Variants in OXNAD1 observed in about 807,000 individuals in gnomAD.
The protein encoded by OXNAD1 is oxidoreductase NAD-binding domain-containing protein 1.
A neutral mutation model predicts 32.9 loss-of-function variants in OXNAD1; 34 were observed. That is an observed-to-expected ratio of 1.03 (90% CI 0.79 to 1.38). The LOEUF is 1.38. OXNAD1 is among the 40% of genes most tolerant of loss of function. The pLI, the probability that OXNAD1 is intolerant of heterozygous loss-of-function variation, is 0.00. For missense variants in OXNAD1, 407 were observed against 379.4 expected (o/e 1.07, Z -0.60); for synonymous variants, 134 against 135.2 (o/e 0.99, Z 0.06).
downstream of OXNAD1, among the ~76,000 whole-genome samples, chr3:16,338,494 G>A (rs549450905): frequency 6.6e-6 from 1 of 152,354 alleles, no homozygotes; most frequent in African/African-American, 2.4e-5. The surrounding 1 kb of genome is among the most constrained non-coding windows in gnomAD (Gnocchi z 5.3). Context: ...TCTAGAAGCT[G>A]ACATCTTAAA....
chr3:16,350,739 T>C (rs534141036), downstream of OXNAD1, among the ~76,000 whole-genome samples: 1 of 152,288 alleles, frequency 6.6e-6, no homozygotes, highest in South Asian at 2.1e-4. Context: ...GGGCCTTTCA[T>C]GGGAGTGATT....
intron 9 of OXNAD1, among the ~76,000 whole-genome samples, chr3:16,326,251 G>T (rs1234417351): frequency 6.6e-6 from 1 of 152,250 alleles, no homozygotes; most frequent in African/African-American, 2.4e-5. Flanking sequence ...GCCGCACCAA[G>T]GCCTGAAAGG....
At position 16,314,861 on chromosome 3, in the gene OXNAD1, T is replaced by C. The variant is rs2068226067; in HGVS notation, c.*30+11269T>C. The C allele has an allele frequency of 6.6e-6, 1 of 152,232 alleles. No homozygotes were observed. Among genetic ancestry groups the C allele is most frequent in the East Asian group, 1.9e-4 (1 of 5,206 alleles). 9.4% of individuals were successfully genotyped at this position (152,232 alleles called of 1,614,324 possible). On this transcript the variant is annotated intron_variant, in intron 9 of 9. Transcript: ENST00000435829. This position sits in a 1 kb window ranked among gnomAD's most constrained non-coding sequence, Gnocchi z 4.4. ...TGTCCTGGCCTGTTGCTGACTAGCA[T>C]ATATTTTTAAAATCATGATCCTTTA...
chr3:16,272,229 T>C (rs1177482080), intron 4 of OXNAD1: 8 of 434,202 alleles, frequency 1.8e-5, no homozygotes, highest in Non-Finnish European at 3.2e-5. Flanking sequence ...AATGTACAGA[T>C]TTTTTCCACC....
chr3:16,296,640 G>C (rs567911648), intron 6 of OXNAD1, among the ~76,000 whole-genome samples: 1 of 152,264 alleles, frequency 6.6e-6, no homozygotes, highest in South Asian at 2.1e-4. Context: ...TAATGTTACA[G>C]AATGAAGAGT....
chr3:16,273,807 T>C (rs181813254), intron 4 of OXNAD1, among the ~76,000 whole-genome samples: 43 of 152,338 alleles, frequency 2.8e-4, no homozygotes, highest in African/African-American at 9.6e-4. Context: ...AGGAAACATA[T>C]CTATTTCTCA....
rs1237879769 is a variant in OXNAD1 at position 16,321,679 on chromosome 3, T to C, written c.*31-15433T>C. Among the ~76,000 whole-genome samples the C allele has an allele frequency of 6.6e-6, 1 of 152,150 alleles. No homozygotes were observed. Among genetic ancestry groups the C allele is most frequent in the East Asian group, 1.9e-4 (1 of 5,198 alleles). On this transcript the variant is annotated intron_variant, in intron 9 of 9. Transcript: ENST00000435829. This position sits in a 1 kb window ranked among gnomAD's most constrained non-coding sequence, Gnocchi z 4.8. ...ACACCAGTCACCTACAGTCTTGGAA[T>C]GAGGCAGGAAATAATTAGGTACATG...
downstream of OXNAD1, among the ~76,000 whole-genome samples, chr3:16,307,822 A>G (rs2067673062): frequency 6.6e-6 from 1 of 152,180 alleles, no homozygotes; most frequent in African/African-American, 2.4e-5. Flanking sequence ...CAGCTTTCCC[A>G]AATGTTTAAC....
At chr3:16,268,169 A>G (rs931552691) in intron 1 of OXNAD1, among the ~76,000 whole-genome samples, 9 of 152,276 alleles carry the variant, frequency 5.9e-5, no homozygotes, top group African/African-American at 2.2e-4. Context: ...TAAATTTTTT[A>G]TATTTTATTT....
Position 16,348,632 on chromosome 3 carries a change from G to C in OXNAD1, c.*31-544G>C, listed in dbSNP as rs2071892005. Among the ~76,000 whole-genome samples, 1 of 152,154 alleles carries C rather than the reference G, an allele frequency of 6.6e-6. No individual in the cohort carries two copies. Among genetic ancestry groups the C allele is most frequent in the African/African-American group, 2.4e-5 (1 of 41,430 alleles). On this transcript the variant is annotated intron_variant, in intron 9 of 9. Coordinates refer to the OXNAD1 transcript ENST00000606098. The surrounding 1 kb of genome is among the most constrained non-coding windows in gnomAD (Gnocchi z 6.3). ...TTCTTCCCGAGGCTCCTTGATGTGT[G>C]GGGCCTCAGCAAATGCCCCTTTGCA...
At position 16,298,683 on chromosome 3, in the gene OXNAD1, G is replaced by A. The variant is rs1010643069; in HGVS notation, c.433-2943G>A. Among the ~76,000 whole-genome samples, 6 of 152,172 alleles carry A rather than the reference G, an allele frequency of 3.9e-5. No individual in the cohort carries two copies. Among genetic ancestry groups the A allele is most frequent in the African/African-American group, 1.4e-4 (6 of 41,438 alleles). On this transcript the variant is annotated intron_variant, in intron 6 of 8. Coordinates refer to ENST00000285083, the MANE Select transcript of OXNAD1 (RefSeq NM_138381.5). The surrounding 1 kb of genome is among the most constrained non-coding windows in gnomAD (Gnocchi z 5.1). ...GCACCGTTGAGACATGGAATAAAGT[G>A]CCATAAACGTCTTCCTTTATTTTAT...
In OXNAD1 at chr3:16,294,981, T is replaced by A. The variant is rs1371462277; in HGVS notation, c.416T>A (p.Leu139His). ...AAATATACGAACCACCCTCCTGCCCTCTGGGTTCACAATACGGTAAGCACA... is the reference window on the plus strand; with the variant it reads ...AAATATACGAACCACCCTCCTGCCCACTGGGTTCACAATACGGTAAGCACA... ...AVKYTNHPPA[L>H]WVHNTCTLDC... The change falls in exon 6 of 9, where the codon CTC (leucine) becomes CAC (histidine). Residue 139 changes from leucine to histidine, a missense_variant. By Grantham distance (99) the Leu-to-His change is moderately conservative. Coordinates refer to ENST00000285083, the MANE Select transcript of OXNAD1 (RefSeq NM_138381.5). 1 of 1,611,652 alleles carries A rather than the reference T, an allele frequency of 6.2e-7. No homozygotes were observed. Among genetic ancestry groups the A allele is most frequent in the Admixed American group, 1.7e-5 (1 of 59,672 alleles).
chr3:16,301,819 C>T lies in OXNAD1; in HGVS notation c.626C>T (p.Thr209Ile), dbSNP rs774960703. 6.2e-7 allele frequency: 1 copy of T among 1,614,064 alleles called. No individual in the cohort carries two copies. Among genetic ancestry groups the T allele is most frequent in the East Asian group, 2.2e-5 (1 of 44,876 alleles). Residue 209 changes from threonine to isoleucine, a missense_variant, in exon 7 of 9, where the codon ACA becomes ATA. By Grantham distance (89) the Thr-to-Ile change is moderately conservative. Transcript: ENST00000285083. This position sits in a 1 kb window ranked among gnomAD's most constrained non-coding sequence, Gnocchi z 4.1. ...ANKRNGYEIG[T>I]IKLFYSAKNT... is the part of the protein sequence containing the mutation. ...AAAAGAAATGGATATGAGATAGGAA[C>T]AATAAAACTATTCTACAGTGCAAAA...
chr3:16,343,127 A>AAGCC (rs2071419926), intron 9 of OXNAD1, among the ~76,000 whole-genome samples: 1 of 152,176 alleles, frequency 6.6e-6, no homozygotes, highest in African/African-American at 2.4e-5. Context: ...TTACAGGCAT[A>AAGCC]AGCCAGCCAG....
rs1346946375 is a variant in OXNAD1, at chr3:16,336,045, TCTC to T, written c.*31-1064_*31-1062del. ...CACTCGAGGAGGGTAGAGGTCCTGT[TCTC>T]CTACGGCCATGGAAAGTGGAGATCT... On this transcript the variant is annotated intron_variant, in intron 9 of 9. Transcript: ENST00000435829. The surrounding 1 kb of genome is among the most constrained non-coding windows in gnomAD (Gnocchi z 6.0). Among the ~76,000 whole-genome samples, 1 of 152,126 alleles carries T rather than the reference TCTC, an allele frequency of 6.6e-6. No homozygotes were observed. The highest frequency in any genetic ancestry group is 1.5e-5 in the Non-Finnish European group (1 of 68,014).
intron 4 of OXNAD1, among the ~76,000 whole-genome samples, chr3:16,285,148 A>G (rs1394829065): frequency 6.6e-6 from 1 of 152,200 alleles, no homozygotes; most frequent in African/African-American, 2.4e-5. Context: ...GGAGGGAGAG[A>G]AAGGTAGATA....
At position 16,320,649 on chromosome 3, in the gene OXNAD1, TA is replaced by T. The variant is rs1402544265; in HGVS notation, c.*31-16459del. ...TAGTACAAAGGAGTCTGGTTTGGTA[TA>T]AAAGGAGACAGCACTGTTCTGAGAA... On this transcript the variant is annotated intron_variant, in intron 9 of 9. Transcript: ENST00000435829. This position sits in a 1 kb window ranked among gnomAD's most constrained non-coding sequence, Gnocchi z 4.5. Among the ~76,000 whole-genome samples, 1 of 152,198 alleles carries T rather than the reference TA, an allele frequency of 6.6e-6. No individual in the cohort carries two copies. The highest frequency in any genetic ancestry group is 1.5e-5 in the Non-Finnish European group (1 of 68,032).
At chr3:16,340,631 A>C (rs753138779), downstream of OXNAD1, among the ~76,000 whole-genome samples, 1 of 152,252 alleles carries the variant, frequency 6.6e-6, no homozygotes, top group Non-Finnish European at 1.5e-5. Context: ...CATTTAATGG[A>C]GATGAGTGTT....
chr3:16,269,222 G>C lies in OXNAD1; in HGVS notation c.-62G>C. 1 of 1,534,760 alleles carries C rather than the reference G, an allele frequency of 6.5e-7. No homozygotes were observed. The highest frequency in any genetic ancestry group is 8.7e-7 in the Non-Finnish European group (1 of 1,146,574). ...TGTAATAGCAGGACCAAAATATTCT[G>C]TCAATCAGCTGACCATATACTTAAT... On this transcript the variant is annotated 5_prime_UTR_variant, in exon 2 of 9. Transcript: ENST00000285083.
Sources: gnomAD v4.1 joint callset for allele counts (sites outside exome capture counted in the v4.1 genomes callset) on GRCh38, gnomAD v4.1.1 for gene constraint, Gnocchi (gnomAD v3.1) non-coding constraint, MANE v1.5 for transcripts, NCBI Gene and HGNC (gene_info 2026-07-23, HGNC 2026-07-21) for gene names.